Variants in PLCB4 observed in about 807,000 individuals in gnomAD.
PLCB4 encodes the protein 1-phosphatidylinositol 4,5-bisphosphate phosphodiesterase beta-4.
A neutral mutation model predicts 178.8 loss-of-function variants in PLCB4; 77 were observed. The observed-to-expected ratio is 0.43, with a 90% CI of 0.36 to 0.52. The LOEUF (loss-of-function observed/expected upper bound fraction) is 0.52. Among genes scored for constraint, PLCB4 ranks in the 20% least tolerant of loss-of-function variants. PLCB4 has a pLI of 0.00. For synonymous variants in PLCB4, 496 were observed against 490.8 expected (o/e 1.01, Z -0.14); for missense variants, 1,024 against 1,453.4 (o/e 0.70, Z 4.80).
intron 12 of PLCB4, among the ~76,000 whole-genome samples, chr20:9,373,932 A>T (rs1258855088): frequency 2.6e-5 from 4 of 152,212 alleles, no homozygotes; most frequent in Non-Finnish European, 5.9e-5. Context: ...CACATTAATA[A>T]GAGTTTGAGT....
At chr20:9,187,255 AT>A (rs2147119161) in intron 2 of PLCB4, among the ~76,000 whole-genome samples, 1 of 152,198 alleles carries the variant, frequency 6.6e-6, no homozygotes, top group South Asian at 2.1e-4. Flanking sequence ...GATTACAGGC[AT>A]GAGCACCATG....
At chr20:9,207,327 G>A (rs1397177322) in intron 2 of PLCB4, among the ~76,000 whole-genome samples, 2 of 152,140 alleles carry the variant, frequency 1.3e-5, no homozygotes, top group Non-Finnish European at 2.9e-5. Context: ...CTTAGGCAAG[G>A]GGCCCTAGTA....
chr20:9,193,871 T>C (rs1452892410), intron 2 of PLCB4, among the ~76,000 whole-genome samples: 1 of 152,204 alleles, frequency 6.6e-6, no homozygotes, highest in Non-Finnish European at 1.5e-5. Flanking sequence ...CTGTGGCATC[T>C]TTTCATCTAT....
chr20:9,440,310 C>T (rs2042031352), intron 30 of PLCB4, among the ~76,000 whole-genome samples: 1 of 152,194 alleles, frequency 6.6e-6, no homozygotes, highest in Non-Finnish European at 1.5e-5. Flanking sequence ...AATCATCTAA[C>T]ACAAAGCCTA....
At chr20:9,298,917 G>A (rs2094671761) in intron 3 of PLCB4, among the ~76,000 whole-genome samples, 2 of 151,946 alleles carry the variant, frequency 1.3e-5, no homozygotes, top group Admixed American at 1.3e-4. Context: ...CTTTATAATA[G>A]ATAAATCATA....
At chr20:9,151,149 A>G (rs949975860) in intron 2 of PLCB4, among the ~76,000 whole-genome samples, 1 of 152,236 alleles carries the variant, frequency 6.6e-6, no homozygotes, top group Non-Finnish European at 1.5e-5. Flanking sequence ...TAGTATAAAT[A>G]AAAACAGCAT....
intron 2 of PLCB4, among the ~76,000 whole-genome samples, chr20:9,137,020 GCCAACATGCTGTTGGTTGACTCTGT>G (rs1261207029): frequency 6.6e-6 from 1 of 152,014 alleles, no homozygotes; most frequent in Non-Finnish European, 1.5e-5. Flanking sequence ...GTCTCTTCTT[GCCAACATGCTGTTGGTTGACTCTGT>G]CCCCCTCCTA....
intron 25 of PLCB4, among the ~76,000 whole-genome samples, chr20:9,416,934 C>T (rs893512845): frequency 2.0e-5 from 3 of 152,012 alleles, no homozygotes; most frequent in Non-Finnish European, 4.4e-5. Context: ...TTTTTCAAAA[C>T]TAAGAAAAGT....
chr20:9,154,059 C>T (rs2092738905), intron 2 of PLCB4, among the ~76,000 whole-genome samples: 1 of 152,186 alleles, frequency 6.6e-6, no homozygotes, highest in African/African-American at 2.4e-5. Context: ...TCCCATCTTT[C>T]TGGTCCACTA....
chr20:9,383,722 C>T (rs560663646), intron 13 of PLCB4, among the ~76,000 whole-genome samples: 7 of 152,338 alleles, frequency 4.6e-5, no homozygotes, highest in African/African-American at 1.7e-4. Flanking sequence ...TCAGTGAGAA[C>T]AATGTCTTAT....
At chr20:9,119,974 G>A (rs1193109240) in intron 2 of PLCB4, among the ~76,000 whole-genome samples, 2 of 152,194 alleles carry the variant, frequency 1.3e-5, no homozygotes, top group African/African-American at 2.4e-5. Flanking sequence ...ACTGTTGAGA[G>A]TGGAGTGATA....
chr20:9,374,046 ATTATC>A (rs747671257), intron 12 of PLCB4, among the ~76,000 whole-genome samples: 7 of 152,218 alleles, frequency 4.6e-5, no homozygotes, highest in African/African-American at 9.6e-5. Flanking sequence ...GATAAAACGT[ATTATC>A]TTAAGAAAAG....
chr20:9,189,993 A>G (rs545023059), intron 2 of PLCB4, among the ~76,000 whole-genome samples: 4 of 152,318 alleles, frequency 2.6e-5, no homozygotes, highest in African/African-American at 7.2e-5. Flanking sequence ...GTGACAACTA[A>G]CAGTGTCTCC....
intron 4 of PLCB4, among the ~76,000 whole-genome samples, chr20:9,309,733 T>C (rs1466985097): frequency 3.9e-5 from 6 of 152,192 alleles, no homozygotes; most frequent in African/African-American, 1.4e-4. Context: ...GAAAAAGCTA[T>C]TGGAGAAAAA....
At chr20:9,098,284 A>C (rs1008336652) in intron 2 of PLCB4, among the ~76,000 whole-genome samples, 65 of 152,126 alleles carry the variant, frequency 4.3e-4, no homozygotes, top group African/African-American at 1.3e-3. Flanking sequence ...CTTTTAGGAA[A>C]TCCAAATTAT....
rs56785951 is a variant in PLCB4 at position 9,213,128 on chromosome 20, CTTTTTTTTTTTT to C, written c.-78-4243_-78-4232del. 2.6e-3 allele frequency among the ~76,000 whole-genome samples: 92 copies of C among 35,728 alleles called. 7 individuals are homozygous for C. The highest frequency in any genetic ancestry group is 9.7e-3 in the African/African-American group (79 of 8,120). The allele number at this position is 35,728 out of a possible 152,430, so 23.4% of individuals were successfully genotyped here. A position where few individuals can be genotyped will look rare whatever the true frequency, so the allele number is the denominator to read the frequency against. On this transcript the variant is annotated intron_variant, in intron 2 of 39. Coordinates refer to ENST00000378473, the MANE Select transcript of PLCB4 (RefSeq NM_001377142.1). Reference sequence around the variant, plus strand: ...TGCTTGGCTTCTCTCCGTTAGCATACTTTTTTTTTTTTTTTTTTTTTTTTTTTTTTAGACAAA... The same window carrying C: ...TGCTTGGCTTCTCTCCGTTAGCATACTTTTTTTTTTTTTTTTTTAGACAAA...
At chr20:9,449,802 T>C (rs1392197055) in intron 32 of PLCB4, among the ~76,000 whole-genome samples, 2 of 152,148 alleles carry the variant, frequency 1.3e-5, no homozygotes, top group Non-Finnish European at 2.9e-5. Flanking sequence ...ACCAAGACTG[T>C]TGTTAAACTC....
intron 8 of PLCB4, among the ~76,000 whole-genome samples, chr20:9,363,471 A>AT (rs1303567612): frequency 6.6e-6 from 1 of 152,102 alleles, no homozygotes; most frequent in Non-Finnish European, 1.5e-5. Context: ...TTACCTCTGA[A>AT]TTTTTTTCTG....
chr20:9,438,232 G>A lies in PLCB4; in HGVS notation c.2764+1080G>A, dbSNP rs575086975. The stretch of plus-strand genomic sequence containing the variant: ...ATACAAAAAATTAGCCAGGCATGGT[G>A]GCGAGCCCCTGTAGTCCCAGCTGCT... On this transcript the variant is annotated intron_variant, in intron 30 of 39. Coordinates refer to ENST00000378473, the MANE Select transcript of PLCB4 (RefSeq NM_001377142.1). Among the ~76,000 whole-genome samples the A allele has an allele frequency of 1.4e-4, 22 of 152,248 alleles. No individual in the cohort carries two copies. In the South Asian group the frequency reaches 3.7e-3, roughly 26 times the overall value.
Sources: gnomAD v4.1 joint callset for allele counts (sites outside exome capture counted in the v4.1 genomes callset) on GRCh38, gnomAD v4.1.1 for gene constraint, MANE v1.5 for transcripts, NCBI Gene and HGNC (gene_info 2026-07-23, HGNC 2026-07-21) for gene names.